MYSM1: variants seen among roughly 807,000 people sequenced by gnomAD.
The protein encoded by MYSM1 is deubiquitinase MYSM1.
In MYSM1, 51 loss-of-function variants were observed where a neutral mutation model predicts 116.0. That is an observed-to-expected ratio of 0.44 (90% confidence interval 0.35 to 0.56). The LOEUF is 0.56. Ranked by LOEUF, MYSM1 falls within the 20% of genes least tolerant of loss-of-function variation. MYSM1 has a pLI of 0.00. For synonymous variants in MYSM1, 313 were observed against 315.2 expected (o/e 0.99, Z 0.07); for missense variants, 900 against 974.9 (o/e 0.92, Z 1.02).
intron 7 of MYSM1, among the ~76,000 whole-genome samples, 154 bp from the exon 8 acceptor site, chr1:58,682,699 C>CTT (rs768660432): frequency 7.8e-5 from 7 of 89,202 alleles, no homozygotes; most frequent in Non-Finnish European, 1.7e-4. Flanking sequence ...TTTTTCTTTT[C>CTT]TTTTTTTTTT....
chr1:58,670,792 G>A (rs1048627392), intron 12 of MYSM1, among the ~76,000 whole-genome samples: 9 of 152,078 alleles, frequency 5.9e-5, no homozygotes, highest in Admixed American at 2.0e-4. Flanking sequence ...AGTAATGGCA[G>A]GAAAGGCAAG....
intron 6 of MYSM1, among the ~76,000 whole-genome samples, chr1:58,685,582 A>C (rs1644816434): frequency 6.6e-6 from 1 of 152,236 alleles, no homozygotes; most frequent in African/African-American, 2.4e-5. Context: ...AAAATAAATA[A>C]GTGCCTGAAA....
intron 13 of MYSM1, 88 bp downstream of exon 13, chr1:58,668,896 C>T: frequency 9.3e-7 from 1 of 1,075,362 alleles, no homozygotes; most frequent in Non-Finnish European, 1.4e-6. Flanking sequence ...ATACATATGC[C>T]TTGCACATAC....
intron 11 of MYSM1, among the ~76,000 whole-genome samples, chr1:58,673,111 T>C (rs1644588466): frequency 6.6e-6 from 1 of 152,228 alleles, no homozygotes; most frequent in Admixed American, 6.5e-5. Context: ...TTCTGTGAGA[T>C]TAAGTAGTTG....
At chr1:58,671,240 G>C (rs675919) in intron 12 of MYSM1, among the ~76,000 whole-genome samples, 8,832 of 152,178 alleles carry the variant, frequency 0.058, 803 homozygotes, top group African/African-American at 0.2. Flanking sequence ...AAGACTATAT[G>C]AGCTAATAAA....
chr1:58,659,246 C>T lies in MYSM1; in HGVS notation c.*751G>A, dbSNP rs1466455616. 6.6e-6 allele frequency: 1 copy of T among 152,096 alleles called. No individual in the cohort carries two copies. The highest frequency in any genetic ancestry group is 6.6e-5 in the Admixed American group (1 of 15,258). 9.4% of individuals were successfully genotyped at this position (152,096 alleles called of 1,614,324 possible). A position where few individuals can be genotyped will look rare whatever the true frequency, so the allele number is the denominator to read the frequency against. ...GAAAAAAAGTTTGAGTTATGATTAC[C>T]TATGTTCCAGTTAAATGAGGTTTTA... On this transcript the variant is annotated 3_prime_UTR_variant, in exon 20 of 20. Coordinates refer to ENST00000472487, the MANE Select transcript of MYSM1 (RefSeq NM_001085487.3).
At position 58,658,278 on chromosome 1, in the gene MYSM1, AG is replaced by A. The variant is rs1425959115; in HGVS notation, c.*1718del. On this transcript the variant is annotated 3_prime_UTR_variant, in exon 20 of 20. Coordinates refer to ENST00000472487, the MANE Select transcript of MYSM1 (RefSeq NM_001085487.3). ...CAGCCCTCAAACTAATTGTTTTATA[AG>A]CTATACTTCACTGTTTATCCTAAGT... is the stretch of plus-strand genomic sequence containing the variant. 4 of 152,114 alleles carry A rather than the reference AG, an allele frequency of 2.6e-5. No homozygotes were observed. Among genetic ancestry groups the A allele is most frequent in the African/African-American group, 4.8e-5 (2 of 41,420 alleles). The allele number at this position is 152,114 out of a possible 1,614,324, so 9.4% of individuals were successfully genotyped here.
rs147347459 is a variant in MYSM1 at position 58,686,795 on chromosome 1, G to A, written c.400-1544C>T. Among the ~76,000 whole-genome samples the A allele has an allele frequency of 2.0e-5, 3 of 152,110 alleles. No individual in the cohort carries two copies. In the East Asian group the frequency reaches 5.8e-4, roughly 29 times the overall value. On this transcript the variant is annotated intron_variant, in intron 6 of 19. Coordinates refer to ENST00000472487, the MANE Select transcript of MYSM1 (RefSeq NM_001085487.3). ...GGATTAAGATATGATTAGTAGAAGAGTAGGGACTTGGGCACTAGAAAAATT... is the reference window on the plus strand; with the variant it reads ...GGATTAAGATATGATTAGTAGAAGAATAGGGACTTGGGCACTAGAAAAATT...
rs1000982984 is a variant in MYSM1, at chr1:58,659,468, T to C, written c.*529A>G. On this transcript the variant is annotated 3_prime_UTR_variant, in exon 20 of 20. Coordinates refer to ENST00000472487, the MANE Select transcript of MYSM1 (RefSeq NM_001085487.3). ...CTTTGGGTTTTTCCTGTTTTTAAGA[T>C]TTTCTTGTCATGCCTCTCCTGGTCT... The C allele has an allele frequency of 1.3e-5, 2 of 152,190 alleles. No individual in the cohort carries two copies. Among genetic ancestry groups the C allele is most frequent in the African/African-American group, 4.8e-5 (2 of 41,446 alleles). 9.4% of individuals were successfully genotyped at this position (152,190 alleles called of 1,614,324 possible). A position where few individuals can be genotyped will look rare whatever the true frequency, so the allele number is the denominator to read the frequency against.
chr1:58,674,851 CG>C (rs1269428432), intron 10 of MYSM1, among the ~76,000 whole-genome samples: 1 of 149,356 alleles, frequency 6.7e-6, no homozygotes, highest in Non-Finnish European at 1.5e-5. Context: ...GGTGTGAACC[CG>C]GGAGATGGAG....
chr1:58,695,093 A>G (rs747001088), intron 2 of MYSM1, 36 bp downstream of exon 2: 2 of 1,329,306 alleles, frequency 1.5e-6, no homozygotes. Context: ...AATAAATAAC[A>G]GCTTAATGCA....
chr1:58,695,064 A>G, intron 2 of MYSM1, 65 bp downstream of exon 2: 1 of 880,780 alleles, frequency 1.1e-6, no homozygotes, highest in East Asian at 2.5e-5. Flanking sequence ...AAAAAAAAAA[A>G]AGAAGAAGCA....
At chr1:58,690,191 A>C (rs780007626) in intron 5 of MYSM1, 35 bp downstream of exon 5, 1 of 1,448,036 alleles carries the variant, frequency 6.9e-7, no homozygotes, top group Non-Finnish European at 9.2e-7. Flanking sequence ...TAACTAATGA[A>C]AACAGATTTA....
intron 1 of MYSM1, among the ~76,000 whole-genome samples, chr1:58,698,102 A>ATATATATATATATATATATTTTTT: frequency 1.3e-4 from 1 of 7,770 alleles, no homozygotes; most frequent in South Asian, 0.01. Flanking sequence ...ATATATATAT[A>ATATATATATATATATATATTTTTT]TTTTTTTTTT....
In MYSM1 at chr1:58,661,469, G is replaced by T; in HGVS notation, c.2207C>A (p.Pro736His). 1 of 1,608,636 alleles carries T rather than the reference G, an allele frequency of 6.2e-7. No individual in the cohort carries two copies. Among genetic ancestry groups the T allele is most frequent in the East Asian group, 2.2e-5 (1 of 44,834 alleles). The change falls in exon 18 of 20, where the codon CCT becomes CAT. Residue 736 changes from proline to histidine, a missense_variant. By Grantham distance (77) the Pro-to-His change is moderately conservative (BLOSUM62 -2). Around this residue, in one of 3 missense-constraint regions of MYSM1, gnomAD observed 186 missense variants for 196.2 expected, o/e 0.95. Coordinates refer to ENST00000472487, the MANE Select transcript of MYSM1 (RefSeq NM_001085487.3). ...KFEVQQMLEE[P>H]QWGLVFEKTR... ...CTTTTCAAATACTAATCCCCACTGA[G>T]GTTCTTCTAACATCTGCTGTACTTC... is the stretch of plus-strand genomic sequence containing the variant.
chr1:58,673,688 T>A (rs1471378211), intron 10 of MYSM1, 38 bp from the exon 11 acceptor site: 2 of 1,539,162 alleles, frequency 1.3e-6, no homozygotes, highest in Admixed American at 3.4e-5. Flanking sequence ...GGTAGCAAGA[T>A]TAATATGGAG....
At chr1:58,682,689 T>C (rs1644766054) in intron 7 of MYSM1, 144 bp from the exon 8 acceptor site, 2 of 301,816 alleles carry the variant, frequency 6.6e-6, no homozygotes, top group East Asian at 1.6e-4. Context: ...GCTTTTCTTT[T>C]TTTTCTTTTC....
At chr1:58,663,427 T>TAGAG (rs1644423414) in intron 17 of MYSM1, among the ~76,000 whole-genome samples, 1 of 152,128 alleles carries the variant, frequency 6.6e-6, no homozygotes, top group African/African-American at 2.4e-5. Context: ...ATTAAACCAT[T>TAGAG]AGAGATATTG....
In MYSM1 at chr1:58,682,559, A is replaced by T; in HGVS notation, c.499-14T>A. ...ACCGCATTTGACCTTATTAAAAATCAAAATAAAATCCCCATAATATTAAGA... is the reference window on the plus strand; with the variant it reads ...ACCGCATTTGACCTTATTAAAAATCTAAATAAAATCCCCATAATATTAAGA... On this transcript the variant is annotated splice_polypyrimidine_tract_variant and intron_variant, in intron 7 of 19. Coordinates refer to ENST00000472487, the MANE Select transcript of MYSM1 (RefSeq NM_001085487.3). 1 of 1,553,348 alleles carries T rather than the reference A, an allele frequency of 6.4e-7. No individual in the cohort carries two copies. Among genetic ancestry groups the T allele is most frequent in the Non-Finnish European group, 8.7e-7 (1 of 1,154,188 alleles).
Sources: allele counts gnomAD v4.1 joint callset (sites outside exome capture counted in the v4.1 genomes callset), GRCh38; gene constraint gnomAD v4.1.1; regional missense constraint gnomAD v4.1.1; transcripts MANE v1.5; gene names NCBI Gene and HGNC (gene_info 2026-07-23, HGNC 2026-07-21).